Variants in EGFLAM observed in about 807,000 individuals in gnomAD.
The protein encoded by EGFLAM is EGF like, fibronectin type III and laminin G domains.
A neutral mutation model predicts 113.1 loss-of-function variants in EGFLAM; 79 were observed. That is an observed-to-expected ratio of 0.70 (90% CI 0.58 to 0.84). EGFLAM has a LOEUF of 0.84. Ranked by LOEUF, EGFLAM falls within the 40% of genes least tolerant of loss-of-function variation. The pLI is 0.00. For synonymous variants in EGFLAM, 504 were observed against 487.6 expected (o/e 1.03, Z -0.44); for missense variants, 1,265 against 1,291.6 (o/e 0.98, Z 0.32).
At chr5:38,326,433 C>A (rs1738884644) in intron 1 of EGFLAM, among the ~76,000 whole-genome samples, 1 of 152,136 alleles carries the variant, frequency 6.6e-6, no homozygotes, top group South Asian at 2.1e-4. Flanking sequence ...CTGACAATTC[C>A]CTGTGTCCTT....
intron 6 of EGFLAM, among the ~76,000 whole-genome samples, chr5:38,386,436 A>C (rs1740664560): frequency 1.3e-5 from 2 of 152,052 alleles, no homozygotes; most frequent in South Asian, 2.1e-4. Context: ...CATGTGACCC[A>C]CCCGCTTTGA....
At chr5:38,327,149 G>A (rs1738912336) in intron 1 of EGFLAM, among the ~76,000 whole-genome samples, 1 of 152,154 alleles carries the variant, frequency 6.6e-6, no homozygotes. Context: ...ACAGCTAAAA[G>A]ATCTGCATCA....
intron 6 of EGFLAM, among the ~76,000 whole-genome samples, chr5:38,382,161 T>C (rs1246643366): frequency 1.3e-5 from 2 of 152,200 alleles, no homozygotes; most frequent in East Asian, 3.8e-4. Flanking sequence ...AAATGAAAAT[T>C]ATCTCTAAAC....
At chr5:38,428,425 T>C (rs1742085136) in intron 14 of EGFLAM, among the ~76,000 whole-genome samples, 1 of 152,256 alleles carries the variant, frequency 6.6e-6, no homozygotes, top group Non-Finnish European at 1.5e-5. Flanking sequence ...GGACAAATAT[T>C]GTTGTACCTC....
chr5:38,383,771 G>A (rs3110997), intron 6 of EGFLAM, among the ~76,000 whole-genome samples: 134 of 119,986 alleles, frequency 1.1e-3, no homozygotes, highest in African/African-American at 4.2e-3. Flanking sequence ...TGCTGCTTGG[G>A]ATAGGCTATC....
At chr5:38,370,491 A>C (rs1201506951) in intron 6 of EGFLAM, 29 bp downstream of exon 6, 1 of 1,605,096 alleles carries the variant, frequency 6.2e-7, no homozygotes, top group Middle Eastern at 1.8e-4. Context: ...CTGAGGGACC[A>C]AGGGAGCTGC....
chr5:38,409,724 G>A (rs947706114), intron 10 of EGFLAM, among the ~76,000 whole-genome samples: 2 of 152,178 alleles, frequency 1.3e-5, no homozygotes, highest in East Asian at 3.8e-4. Flanking sequence ...GGACTGAGAG[G>A]AGCCTCCAAC....
chr5:38,345,505 A>G (rs889939292), intron 3 of EGFLAM: 2 of 152,148 alleles, frequency 1.3e-5, no homozygotes, highest in African/African-American at 4.8e-5. Flanking sequence ...TGAGCAGACA[A>G]AGGGGTTTTA....
rs74554660 is a variant in EGFLAM, at chr5:38,309,332, G to A, written c.98-28188G>A. Among the ~76,000 whole-genome samples, 195 of 152,228 alleles carry A rather than the reference G, an allele frequency of 1.3e-3. 1 individual carries two copies. Among genetic ancestry groups the A allele is most frequent in the African/African-American group, 4.4e-3 (181 of 41,522 alleles). On this transcript the variant is annotated intron_variant, in intron 1 of 21. Transcript: ENST00000322350. ...GTATGCTCTACAAATTGGGTCTTTC[G>A]GAAAAACTTTTACCAGCACACCACT...
intron 1 of EGFLAM, among the ~76,000 whole-genome samples, chr5:38,324,043 C>CA (rs34351121): frequency 0.015 from 1,394 of 92,272 alleles, 9 homozygotes; most frequent in South Asian, 0.032. Context: ...CCATCTCAAA[C>CA]AAAAAAAAAA....
intron 1 of EGFLAM, among the ~76,000 whole-genome samples, chr5:38,281,021 G>A (rs1429530331): frequency 6.6e-6 from 1 of 152,094 alleles, no homozygotes; most frequent in Non-Finnish European, 1.5e-5. Context: ...CTTGGATAAG[G>A]GGATGTTAAG....
chr5:38,394,781 C>T (rs1740914118), intron 6 of EGFLAM, among the ~76,000 whole-genome samples: 1 of 149,090 alleles, frequency 6.7e-6, no homozygotes, highest in South Asian at 2.1e-4. Context: ...CTTTCTGTGC[C>T]CACAACTCTT....
intron 5 of EGFLAM, among the ~76,000 whole-genome samples, chr5:38,369,939 G>GA (rs1401338834): frequency 6.6e-6 from 1 of 152,188 alleles, no homozygotes; most frequent in Non-Finnish European, 1.5e-5. Flanking sequence ...GACCTCTGGG[G>GA]ATGGGGACTG....
intron 11 of EGFLAM, among the ~76,000 whole-genome samples, chr5:38,412,996 G>A (rs1291284745): frequency 1.3e-5 from 2 of 152,072 alleles, no homozygotes; most frequent in East Asian, 3.9e-4. Context: ...GTAGAAGAAG[G>A]CCCATATTAG....
intron 1 of EGFLAM, chr5:38,282,216 T>A (rs1758036707): frequency 6.6e-6 from 1 of 152,212 alleles, no homozygotes; most frequent in Non-Finnish European, 1.5e-5. Context: ...TTAGGTCACC[T>A]CCATTGTCTT....
chr5:38,373,609 C>A (rs1740284557), intron 6 of EGFLAM, among the ~76,000 whole-genome samples: 1 of 152,164 alleles, frequency 6.6e-6, no homozygotes, highest in East Asian at 1.9e-4. Flanking sequence ...TTTGTTATGG[C>A]TGCATAATAT....
At chr5:38,413,185 A>ATT (rs34326457) in intron 11 of EGFLAM, among the ~76,000 whole-genome samples, 1,071 of 100,834 alleles carry the variant, frequency 0.011, 11 homozygotes, top group African/African-American at 0.019. Context: ...TGCCTGGCTA[A>ATT]TTTTTTTTTT....
At chr5:38,404,125 T>C (rs1299862641) in intron 6 of EGFLAM, among the ~76,000 whole-genome samples, 1 of 152,152 alleles carries the variant, frequency 6.6e-6, no homozygotes, top group African/African-American at 2.4e-5. Flanking sequence ...TGATTTCTGG[T>C]CAACAGCACG....
intron 1 of EGFLAM, among the ~76,000 whole-genome samples, chr5:38,320,033 A>T (rs1738699648): frequency 6.6e-6 from 1 of 152,218 alleles, no homozygotes; most frequent in South Asian, 2.1e-4. Context: ...TACTGTATGG[A>T]TGGAGAACAG....
Sources: allele counts gnomAD v4.1 joint callset (sites outside exome capture counted in the v4.1 genomes callset), GRCh38; gene constraint gnomAD v4.1.1; transcripts MANE v1.5; gene names NCBI Gene and HGNC (gene_info 2026-07-23, HGNC 2026-07-21).